ADGRB3: variants seen among roughly 807,000 people sequenced by gnomAD.
ADGRB3 encodes the protein brain-specific angiogenesis inhibitor 3.
A neutral mutation model predicts 193.4 loss-of-function variants in ADGRB3; 37 were observed. The observed-to-expected ratio is 0.19, with a 90% CI of 0.15 to 0.25. The LOEUF (loss-of-function observed/expected upper bound fraction) is 0.25, where lower values mean the gene tolerates loss of function less well. Among genes scored for constraint, ADGRB3 ranks in the 10% least tolerant of loss-of-function variants. ADGRB3 has a pLI of 1.00. For synonymous variants in ADGRB3, 690 were observed against 644.2 expected, an observed-to-expected ratio of 1.07 and a Z score of -1.08; for missense variants, 1,637 against 1,852.9, an observed-to-expected ratio of 0.88 and a Z score of 2.14.
intron 13 of ADGRB3, among the ~76,000 whole-genome samples, chr6:69,041,456 T>G (rs1771069697): frequency 6.6e-6 from 1 of 152,164 alleles, no homozygotes; most frequent in African/African-American, 2.4e-5. Context: ...TGTCTGTCTT[T>G]TATACATAGT....
intron 3 of ADGRB3, among the ~76,000 whole-genome samples, chr6:68,851,715 A>C (rs1318275622): frequency 1.3e-5 from 2 of 151,876 alleles, no homozygotes; most frequent in South Asian, 2.1e-4. Flanking sequence ...TCAATCTATC[A>C]TTTTAAATTT....
At chr6:69,318,008 T>C (rs1430108346) in intron 20 of ADGRB3, among the ~76,000 whole-genome samples, 1 of 151,494 alleles carries the variant, frequency 6.6e-6, no homozygotes, top group African/African-American at 2.4e-5. Flanking sequence ...AAAAATTGAT[T>C]ATTTTTGGAT....
At chr6:69,161,343 C>G (rs978869729) in intron 17 of ADGRB3, among the ~76,000 whole-genome samples, 1 of 152,006 alleles carries the variant, frequency 6.6e-6, no homozygotes, top group Non-Finnish European at 1.5e-5. Flanking sequence ...ATGAATAACA[C>G]TAGATGAGAG....
At chr6:68,877,198 G>A (rs1765617030) in intron 3 of ADGRB3, among the ~76,000 whole-genome samples, 1 of 151,616 alleles carries the variant, frequency 6.6e-6, no homozygotes. Context: ...TAAATTAATG[G>A]GTAAAATTAT....
At chr6:68,888,397 G>C (rs1163153264) in intron 3 of ADGRB3, among the ~76,000 whole-genome samples, 1 of 152,122 alleles carries the variant, frequency 6.6e-6, no homozygotes, top group African/African-American at 2.4e-5. Flanking sequence ...AATTGTGGAA[G>C]AGAGAGAAAT....
chr6:68,925,445 T>A (rs1486876226), intron 3 of ADGRB3, among the ~76,000 whole-genome samples: 1 of 151,966 alleles, frequency 6.6e-6, no homozygotes, highest in East Asian at 1.9e-4. Flanking sequence ...AATATATGGG[T>A]GCTTCTCAAC....
chr6:68,638,253 A>G (rs1768000889), intron 2 of ADGRB3, among the ~76,000 whole-genome samples: 1 of 152,208 alleles, frequency 6.6e-6, no homozygotes, highest in Non-Finnish European at 1.5e-5. Flanking sequence ...GAGGACAGAG[A>G]GAGAAAAGGT....
chr6:69,138,059 A>T (rs1038091499), intron 17 of ADGRB3, among the ~76,000 whole-genome samples: 1 of 152,186 alleles, frequency 6.6e-6, no homozygotes, highest in Admixed American at 6.5e-5. Context: ...GATTTTAATT[A>T]TTCAGACCTA....
chr6:69,326,040 G>A (rs761589684), intron 21 of ADGRB3, among the ~76,000 whole-genome samples: 12 of 152,094 alleles, frequency 7.9e-5, no homozygotes, highest in Non-Finnish European at 1.6e-4. Flanking sequence ...ACGGGAGTTC[G>A]AGATTAGCCT....
At chr6:69,013,992 A>G (rs1292030596) in intron 11 of ADGRB3, 46 bp from the exon 12 acceptor site, 3 of 1,331,052 alleles carry the variant, frequency 2.3e-6, no homozygotes, top group Admixed American at 4.1e-5. Flanking sequence ...TAAAAAGTAT[A>G]ATTCTCTCAT....
Position 69,254,605 on chromosome 6 carries a change from G to C in ADGRB3, c.2814+15379G>C, listed in dbSNP as rs1169326812. Reference sequence around the variant, plus strand: ...TTTTCTTTATTCATTAAATCTCGAAGCTATAAATCTTCCAATTATGTTTAG... The same window carrying C: ...TTTTCTTTATTCATTAAATCTCGAACCTATAAATCTTCCAATTATGTTTAG... On this transcript the variant is annotated intron_variant, in intron 20 of 31. Transcript: ENST00000370598. 4.0e-5 allele frequency among the ~76,000 whole-genome samples: 6 copies of C among 151,762 alleles called. No individual in the cohort carries two copies. In the South Asian group the frequency reaches 1.0e-3, roughly 26 times the overall value.
At chr6:69,359,460 A>G (rs1769400884) in intron 28 of ADGRB3, among the ~76,000 whole-genome samples, 1 of 150,782 alleles carries the variant, frequency 6.6e-6, no homozygotes, top group South Asian at 2.1e-4. Context: ...AAAAAGATGT[A>G]AATTTAACAT....
intron 20 of ADGRB3, among the ~76,000 whole-genome samples, chr6:69,239,721 A>G (rs543236231): frequency 3.0e-4 from 44 of 148,238 alleles, no homozygotes; most frequent in Admixed American, 8.8e-4. Context: ...GCTACTTTAG[A>G]TTTTATGCCT....
At chr6:68,813,091 T>C (rs1300043040) in intron 3 of ADGRB3, among the ~76,000 whole-genome samples, 3 of 151,926 alleles carry the variant, frequency 2.0e-5, no homozygotes, top group Non-Finnish European at 1.5e-5. Context: ...CAGGGGGAGG[T>C]CATTGAATCA....
chr6:69,333,570 T>G (rs1339956326), intron 24 of ADGRB3, among the ~76,000 whole-genome samples: 1 of 152,034 alleles, frequency 6.6e-6, no homozygotes, highest in Non-Finnish European at 1.5e-5. Flanking sequence ...ATTTTCACAC[T>G]TTAACCTCAT....
chr6:68,834,522 T>C lies in ADGRB3; in HGVS notation c.758-96037T>C, dbSNP rs561660939. Among the ~76,000 whole-genome samples, 3 of 152,240 alleles carry C rather than the reference T, an allele frequency of 2.0e-5. No individual in the cohort carries two copies. The East Asian group carries it at 5.8e-4, about 29-fold the overall frequency. On this transcript the variant is annotated intron_variant, in intron 3 of 31. Transcript: ENST00000370598. ...TTTGATGATTCCCCTCTGTGACGAG[T>C]TGAGCTAAATTCAAAATTATAGAAC...
chr6:68,954,404 A>G (rs1358728799), intron 6 of ADGRB3, among the ~76,000 whole-genome samples: 3 of 152,144 alleles, frequency 2.0e-5, no homozygotes, highest in Admixed American at 6.5e-5. Flanking sequence ...TCTCCCAAAG[A>G]TAAATCAAGC....
intron 3 of ADGRB3, among the ~76,000 whole-genome samples, chr6:68,713,318 T>C (rs1463703716): frequency 6.6e-6 from 1 of 151,888 alleles, no homozygotes; most frequent in Admixed American, 6.6e-5. Flanking sequence ...CTTGCTCTCA[T>C]TGAAAATGCT....
intron 12 of ADGRB3, among the ~76,000 whole-genome samples, chr6:69,016,611 T>C (rs1770099789): frequency 6.6e-6 from 1 of 152,076 alleles, no homozygotes; most frequent in Non-Finnish European, 1.5e-5. Context: ...TCAAGAGGCC[T>C]CTGAAGTTAG....
Sources: gnomAD v4.1 joint callset for allele counts (sites outside exome capture counted in the v4.1 genomes callset) on GRCh38, gnomAD v4.1.1 for gene constraint, MANE v1.5 for transcripts, NCBI Gene and HGNC (gene_info 2026-07-23, HGNC 2026-07-21) for gene names.